The following PARD3B variants were observed in gnomAD, a reference collection of about 807,000 sequenced individuals.
The protein encoded by PARD3B is partitioning defective 3 homolog B.
Under a neutral mutation model 130.2 loss-of-function variants are expected in PARD3B, and 103 were observed. The observed-to-expected ratio is 0.79, with a 90% CI of 0.67 to 0.93. The LOEUF (loss-of-function observed/expected upper bound fraction) is 0.93. PARD3B is among the 40% of genes least tolerant of loss of function. The pLI is 0.00. For missense variants in PARD3B, 1,609 were observed against 1,499.2 expected (o/e 1.07, Z -1.21); for synonymous variants, 583 against 553.2 (o/e 1.05, Z -0.76).
intron 2 of PARD3B, among the ~76,000 whole-genome samples, chr2:204,809,053 G>A (rs1256432107): frequency 6.6e-6 from 1 of 151,950 alleles, no homozygotes; most frequent in Non-Finnish European, 1.5e-5. Context: ...TTTTTCATGT[G>A]TGTGTTGGCC....
rs1270202181 is a variant in PARD3B at position 205,550,972 on chromosome 2, TATATACAC to T, written c.3181-2350_3181-2343del. ...ATATATGTGTATATATATATATATA[TATATACAC>T]ACACACACACACACACACACACATA... is the stretch of plus-strand genomic sequence containing the variant. On this transcript the variant is annotated intron_variant, in intron 21 of 22. Coordinates refer to ENST00000406610, the MANE Select transcript of PARD3B (RefSeq NM_001302769.2). The surrounding 1 kb of genome is among the most constrained non-coding windows in gnomAD (Gnocchi z 4.5). Among the ~76,000 whole-genome samples the T allele has an allele frequency of 5.0e-3, 514 of 103,574 alleles. 3 individuals carry two copies. The highest frequency in any genetic ancestry group is 0.015 in the African/African-American group (467 of 31,108). The allele number at this position is 103,574 out of a possible 152,430, so 67.9% of individuals were successfully genotyped here.
At chr2:205,375,416 C>T (rs548507578) in intron 18 of PARD3B, among the ~76,000 whole-genome samples, 17 of 152,242 alleles carry the variant, frequency 1.1e-4, no homozygotes, top group Non-Finnish European at 2.1e-4. Context: ...GAAGAGCCCT[C>T]TGGGTCAGTG....
intron 1 of PARD3B, among the ~76,000 whole-genome samples, chr2:204,672,410 G>A (rs1272816481): frequency 6.6e-6 from 1 of 152,192 alleles, no homozygotes; most frequent in African/African-American, 2.4e-5. Context: ...AGGGCAGATG[G>A]CCAGTGTATC....
At chr2:204,973,146 T>C (rs1691851136) in intron 3 of PARD3B, among the ~76,000 whole-genome samples, 1 of 152,180 alleles carries the variant, frequency 6.6e-6, no homozygotes. Context: ...TTTCAGGCAC[T>C]CTGAGGCAGC....
chr2:205,602,453 A>G (rs944887965), intron 22 of PARD3B, among the ~76,000 whole-genome samples: 2 of 152,198 alleles, frequency 1.3e-5, no homozygotes, highest in African/African-American at 4.8e-5. Flanking sequence ...AAAAAATGGT[A>G]TCAGCTCCTC....
chr2:205,088,124 C>T (rs926780026), intron 4 of PARD3B, among the ~76,000 whole-genome samples: 3 of 152,108 alleles, frequency 2.0e-5, no homozygotes, highest in African/African-American at 7.2e-5. Flanking sequence ...ACTGAGTTCC[C>T]GCAGTGAGGC....
rs572665924 is a variant in PARD3B at position 204,609,699 on chromosome 2, T to C, written c.120+63580T>C. Reference sequence around the variant, plus strand: ...TAGTCCAGTGTTCTTGCTGTGTAGATGAAGCCTCCAGGTAGCATCCTTCAG... The same window carrying C: ...TAGTCCAGTGTTCTTGCTGTGTAGACGAAGCCTCCAGGTAGCATCCTTCAG... On this transcript the variant is annotated intron_variant, in intron 1 of 22. Transcript: ENST00000406610. Among the ~76,000 whole-genome samples, 335 of 152,158 alleles carry C rather than the reference T, an allele frequency of 2.2e-3. 3 individuals carry two copies. The highest frequency in any genetic ancestry group is 7.4e-3 in the African/African-American group (309 of 41,498).
At chr2:204,632,621 C>CATAT (rs1287911359) in intron 1 of PARD3B, among the ~76,000 whole-genome samples, 196 of 152,298 alleles carry the variant, frequency 1.3e-3, no homozygotes, top group Non-Finnish European at 2.4e-3. Flanking sequence ...CTCCACACAG[C>CATAT]TCTATGTGTT....
chr2:204,746,591 C>T (rs2040239208), intron 2 of PARD3B, among the ~76,000 whole-genome samples: 1 of 152,152 alleles, frequency 6.6e-6, no homozygotes, highest in African/African-American at 2.4e-5. Flanking sequence ...AGTTTACCTC[C>T]CACCAACGGT....
intron 3 of PARD3B, among the ~76,000 whole-genome samples, chr2:205,025,685 G>C (rs1024813580): frequency 1.5e-4 from 23 of 151,664 alleles, no homozygotes; most frequent in Non-Finnish European, 1.5e-4. Flanking sequence ...CGGTGGTCTG[G>C]GTTCCTGCTG....
intron 1 of PARD3B, among the ~76,000 whole-genome samples, chr2:204,589,410 A>G (rs780709650): frequency 1.2e-4 from 19 of 152,214 alleles, no homozygotes; most frequent in Non-Finnish European, 2.2e-4. Flanking sequence ...CACTGTGCCG[A>G]TTTTGAACTT....
chr2:205,252,970 A>C (rs1416879102), intron 16 of PARD3B, among the ~76,000 whole-genome samples: 1 of 151,870 alleles, frequency 6.6e-6, no homozygotes, highest in Admixed American at 6.6e-5. Flanking sequence ...TAGGCAAGAA[A>C]GCTTTGAGTA....
rs201589277 is a variant in PARD3B, at chr2:205,045,112, G to GTT, written c.395-2454_395-2453dup. Among the ~76,000 whole-genome samples, 99 of 138,560 alleles carry GTT rather than the reference G, an allele frequency of 7.1e-4. 1 individual carries two copies. In the Middle Eastern group the frequency reaches 0.019, roughly 27 times the overall value. The allele number at this position is 138,560 out of a possible 152,430, so 90.9% of individuals were successfully genotyped here. ...TTAAGAAAGATCTAGCCATCTTAAA[G>GTT]TTTTTTTTTTTTTTTTATGTTTCAA... On this transcript the variant is annotated intron_variant, in intron 3 of 22. Coordinates refer to ENST00000406610, the MANE Select transcript of PARD3B (RefSeq NM_001302769.2).
chr2:205,384,693 A>C (rs561813101), intron 18 of PARD3B, among the ~76,000 whole-genome samples: 1 of 152,256 alleles, frequency 6.6e-6, no homozygotes, highest in East Asian at 1.9e-4. Context: ...GTAACTTAAC[A>C]TACATGGATA....
Position 205,551,356 on chromosome 2 carries a change from T to C in PARD3B, c.3181-1968T>C, listed in dbSNP as rs72935813. On this transcript the variant is annotated intron_variant, in intron 21 of 22. Coordinates refer to ENST00000406610, the MANE Select transcript of PARD3B (RefSeq NM_001302769.2). ...GTCCTTCACTTCTTCCTTTTCTTTT[T>C]TTTTTTTTTATCCCCTGTCTGTCAC... Among the ~76,000 whole-genome samples the C allele has an allele frequency of 4.2e-3, 633 of 151,978 alleles. 6 individuals are homozygous for C. Among genetic ancestry groups the C allele is most frequent in the Middle Eastern group, 0.017 (5 of 294 alleles).
At chr2:204,607,822 A>G (rs184017502) in intron 1 of PARD3B, among the ~76,000 whole-genome samples, 132 of 152,242 alleles carry the variant, frequency 8.7e-4, no homozygotes, top group Non-Finnish European at 5.4e-4. Context: ...GGTTGCTTAG[A>G]GTTCTGTTCC....
chr2:205,550,921 TTATG>T lies in PARD3B; in HGVS notation c.3181-2401_3181-2398del, dbSNP rs1297746631. On this transcript the variant is annotated intron_variant, in intron 21 of 22. Coordinates refer to ENST00000406610, the MANE Select transcript of PARD3B (RefSeq NM_001302769.2). This position sits in a 1 kb window ranked among gnomAD's most constrained non-coding sequence, Gnocchi z 4.5. ...ATAATCATGTTATAAATACATATAA[TTATG>T]TGTGTGTGTGTGTGTGTATATATAT... 2.5e-4 allele frequency among the ~76,000 whole-genome samples: 25 copies of T among 98,384 alleles called. No homozygotes were observed. Among genetic ancestry groups the T allele is most frequent in the Non-Finnish European group, 3.2e-4 (15 of 46,460 alleles). 64.5% of individuals were successfully genotyped at this position (98,384 alleles called of 152,430 possible).
intron 1 of PARD3B, among the ~76,000 whole-genome samples, chr2:204,563,156 T>TCTGAG (rs1365933584): frequency 6.6e-6 from 1 of 151,928 alleles, no homozygotes; most frequent in Non-Finnish European, 1.5e-5. Flanking sequence ...CCAGGGCATT[T>TCTGAG]CTGAGCTATG....
intron 16 of PARD3B, among the ~76,000 whole-genome samples, chr2:205,289,341 G>A (rs1356416707): frequency 6.6e-6 from 1 of 152,076 alleles, no homozygotes; most frequent in Non-Finnish European, 1.5e-5. Flanking sequence ...TCCTCCTAAT[G>A]GGTGTAAATT....
Sources: allele counts gnomAD v4.1 joint callset (sites outside exome capture counted in the v4.1 genomes callset), GRCh38; gene constraint gnomAD v4.1.1; non-coding constraint Gnocchi (gnomAD v3.1); transcripts MANE v1.5; gene names NCBI Gene and HGNC (gene_info 2026-07-23, HGNC 2026-07-21).